Variants in FSTL5 observed in about 807,000 individuals in gnomAD.
FSTL5 encodes the protein follistatin like 5, also known as follistatin-related protein 5.
In FSTL5, 62 loss-of-function variants were observed where a neutral mutation model predicts 89.1. That is an observed-to-expected ratio of 0.70 (90% CI 0.57 to 0.86). The LOEUF is 0.86. Among genes scored for constraint, FSTL5 ranks in the 40% least tolerant of loss-of-function variants. The pLI is 0.00. For synonymous variants in FSTL5, 383 were observed against 346.2 expected, an observed-to-expected ratio of 1.11 and a Z score of -1.18; for missense variants, 1,057 against 1,001.6, an observed-to-expected ratio of 1.06 and a Z score of -0.75.
intron 4 of FSTL5, among the ~76,000 whole-genome samples, chr4:161,914,098 T>C (rs944373833): frequency 6.6e-6 from 1 of 152,170 alleles, no homozygotes; most frequent in Non-Finnish European, 1.5e-5. Flanking sequence ...ATTTGAATTG[T>C]ATCTCCCAGA....
intron 2 of FSTL5, among the ~76,000 whole-genome samples, chr4:162,102,662 T>C (rs953580298): frequency 6.9e-6 from 1 of 145,878 alleles, no homozygotes; most frequent in East Asian, 2.0e-4. Flanking sequence ...TATATACATA[T>C]ATAAAAATAT....
Position 161,628,654 on chromosome 4 carries a change from A to C in FSTL5, c.894+27674T>G, listed in dbSNP as rs141249743. On this transcript the variant is annotated intron_variant, in intron 7 of 15. Transcript: ENST00000306100. ...AAGTGTAACATTAAATCCCAATGAA[A>C]TTTAGGTTTGAATTTTACAATGCAT... is the stretch of plus-strand genomic sequence containing the variant. Among the ~76,000 whole-genome samples, 474 of 152,268 alleles carry C rather than the reference A, an allele frequency of 3.1e-3. 4 individuals carry two copies. The highest frequency in any genetic ancestry group is 2.1e-3 in the Non-Finnish European group (140 of 68,008).
intron 3 of FSTL5, among the ~76,000 whole-genome samples, chr4:161,960,564 T>C (rs1360730263): frequency 6.6e-6 from 1 of 152,104 alleles, no homozygotes; most frequent in Admixed American, 6.6e-5. Context: ...CTAGTTGATA[T>C]GCAATATGTT....
intron 7 of FSTL5, among the ~76,000 whole-genome samples, chr4:161,621,836 A>C (rs1303355585): frequency 8.4e-6 from 1 of 118,574 alleles, no homozygotes; most frequent in Non-Finnish European, 1.9e-5. Flanking sequence ...ACAAAAAAAA[A>C]AAAAAAAAAA....
At chr4:161,915,996 A>G (rs1220914592) in intron 4 of FSTL5, among the ~76,000 whole-genome samples, 2 of 152,002 alleles carry the variant, frequency 1.3e-5, no homozygotes, top group Non-Finnish European at 2.9e-5. Context: ...TAAATTCTAC[A>G]AGTTCCTTCT....
chr4:161,987,198 G>A (rs536136069), intron 3 of FSTL5, among the ~76,000 whole-genome samples: 60 of 152,010 alleles, frequency 3.9e-4, no homozygotes, highest in African/African-American at 1.4e-3. Flanking sequence ...AAAGAATCCT[G>A]CTCCCTTTCT....
intron 12 of FSTL5, among the ~76,000 whole-genome samples, chr4:161,499,057 C>G (rs1311154497): frequency 1.3e-5 from 2 of 151,978 alleles, no homozygotes; most frequent in Non-Finnish European, 2.9e-5. Flanking sequence ...CAGAAATTAG[C>G]TGGGCTTGGA....
chr4:161,535,618 T>C (rs1731581419), intron 10 of FSTL5, among the ~76,000 whole-genome samples: 1 of 152,096 alleles, frequency 6.6e-6, no homozygotes, highest in Admixed American at 6.6e-5. Flanking sequence ...GAAAAGCGAA[T>C]GCCTATATCC....
intron 7 of FSTL5, among the ~76,000 whole-genome samples, chr4:161,593,408 G>T (rs766486707): frequency 2.6e-5 from 4 of 151,924 alleles, no homozygotes; most frequent in African/African-American, 9.7e-5. Context: ...TACCCACTAC[G>T]GATTTATTGA....
chr4:161,610,270 T>C (rs1734589869), intron 7 of FSTL5, among the ~76,000 whole-genome samples: 1 of 152,192 alleles, frequency 6.6e-6, no homozygotes. Flanking sequence ...AAGTGCCCTG[T>C]TGTATGTGTA....
chr4:161,791,678 A>T (rs1010113072), intron 4 of FSTL5, among the ~76,000 whole-genome samples: 1 of 152,074 alleles, frequency 6.6e-6, no homozygotes, highest in Non-Finnish European at 1.5e-5. Context: ...ATTCATTAAC[A>T]TTATTCCTGG....
intron 6 of FSTL5, among the ~76,000 whole-genome samples, chr4:161,723,071 TA>T (rs1258455584): frequency 6.6e-6 from 1 of 152,152 alleles, no homozygotes; most frequent in Non-Finnish European, 1.5e-5. Context: ...ATTTCTGAAA[TA>T]AGAATGCATC....
At chr4:161,474,242 C>T (rs543211601) in intron 13 of FSTL5, among the ~76,000 whole-genome samples, 2 of 152,202 alleles carry the variant, frequency 1.3e-5, no homozygotes, top group South Asian at 4.1e-4. Context: ...ATTCTGATCT[C>T]TTTCGGTTAT....
intron 2 of FSTL5, among the ~76,000 whole-genome samples, chr4:162,089,821 C>T (rs1279293999): frequency 1.3e-5 from 2 of 151,984 alleles, no homozygotes; most frequent in Non-Finnish European, 2.9e-5. Flanking sequence ...TAAAAATTTG[C>T]TTCTTTATAA....
At chr4:161,819,987 T>C (rs922302907) in intron 4 of FSTL5, among the ~76,000 whole-genome samples, 4 of 152,114 alleles carry the variant, frequency 2.6e-5, no homozygotes, top group Non-Finnish European at 5.9e-5. Flanking sequence ...CTAAAATATA[T>C]TGAAGACTCT....
intron 3 of FSTL5, among the ~76,000 whole-genome samples, chr4:161,963,750 C>T (rs948570054): frequency 6.6e-6 from 1 of 151,852 alleles, no homozygotes; most frequent in African/African-American, 2.4e-5. Flanking sequence ...CACTTAATGG[C>T]CTTGGATAAG....
At chr4:162,062,661 T>C (rs1738758528) in intron 2 of FSTL5, among the ~76,000 whole-genome samples, 1 of 151,138 alleles carries the variant, frequency 6.6e-6, no homozygotes, top group Non-Finnish European at 1.5e-5. Flanking sequence ...ATTTTAAATA[T>C]CTTTCTCATA....
At chr4:162,012,999 C>T (rs541140801) in intron 3 of FSTL5, among the ~76,000 whole-genome samples, 10 of 152,182 alleles carry the variant, frequency 6.6e-5, no homozygotes, top group African/African-American at 2.4e-4. Flanking sequence ...GTCTGCACAA[C>T]ATGGTGAAAC....
At chr4:161,882,919 T>A (rs905569833) in intron 4 of FSTL5, among the ~76,000 whole-genome samples, 1 of 152,154 alleles carries the variant, frequency 6.6e-6, no homozygotes, top group African/African-American at 2.4e-5. Context: ...AATATATGAA[T>A]AGTTTGGATT....
Sources: gnomAD v4.1 joint callset for allele counts (sites outside exome capture counted in the v4.1 genomes callset) on GRCh38, gnomAD v4.1.1 for gene constraint, MANE v1.5 for transcripts, NCBI Gene and HGNC (gene_info 2026-07-23, HGNC 2026-07-21) for gene names.